Variants in DLG2 observed in about 807,000 individuals in gnomAD.
DLG2 encodes discs large MAGUK scaffold protein 2, also known as disks large homolog 2.
Under a neutral mutation model 132.5 loss-of-function variants are expected in DLG2, and 45 were observed. The ratio of observed to expected loss-of-function variants is 0.34; its 90% CI spans 0.27 to 0.44. DLG2 has a LOEUF of 0.44. Ranked by LOEUF, DLG2 falls within the 20% of genes least tolerant of loss-of-function variation. The pLI is 1.00. For missense variants in DLG2, 1,045 were observed against 1,196.9 expected, an observed-to-expected ratio of 0.87 and a Z score of 1.87; for synonymous variants, 424 against 419.6, an observed-to-expected ratio of 1.01 and a Z score of -0.13.
intron 3 of DLG2, among the ~76,000 whole-genome samples, chr11:85,473,493 A>G (rs562880057): frequency 6.6e-6 from 1 of 152,318 alleles, no homozygotes; most frequent in Non-Finnish European, 1.5e-5. Flanking sequence ...AAAAAATTTA[A>G]TGAAGAAAAA....
intron 18 of DLG2, among the ~76,000 whole-genome samples, chr11:83,682,908 G>C (rs1030886391): frequency 6.6e-6 from 1 of 152,130 alleles, no homozygotes; most frequent in Non-Finnish European, 1.5e-5. Flanking sequence ...GAAAGATAAA[G>C]TGACTTGCCC....
At chr11:85,207,905 C>T (rs1245375648) in intron 4 of DLG2, among the ~76,000 whole-genome samples, 1 of 151,708 alleles carries the variant, frequency 6.6e-6, no homozygotes, top group African/African-American at 2.4e-5. Context: ...ATCTGGTAAA[C>T]TGCTTTTTAT....
chr11:85,256,407 G>A (rs555223839), intron 4 of DLG2, among the ~76,000 whole-genome samples: 9 of 152,192 alleles, frequency 5.9e-5, no homozygotes, highest in Non-Finnish European at 7.4e-5. Context: ...TAAAACCTTC[G>A]CATTCATCCT....
At chr11:83,845,415 T>C (rs1166558790) in intron 16 of DLG2, among the ~76,000 whole-genome samples, 2 of 152,204 alleles carry the variant, frequency 1.3e-5, no homozygotes, top group Non-Finnish European at 2.9e-5. Context: ...CTCAGAAGGA[T>C]GCAGTATAAT....
At chr11:84,845,882 G>A (rs1033519737) in intron 6 of DLG2, among the ~76,000 whole-genome samples, 35 of 152,028 alleles carry the variant, frequency 2.3e-4, no homozygotes, top group Non-Finnish European at 5.2e-4. Flanking sequence ...GTTTCACCAC[G>A]TTGGCCAGGC....
chr11:85,236,214 T>C (rs1015720488), intron 4 of DLG2, among the ~76,000 whole-genome samples: 3 of 152,012 alleles, frequency 2.0e-5, no homozygotes, highest in Non-Finnish European at 4.4e-5. Flanking sequence ...TCCAACACTA[T>C]TTTTTAAAAA....
At chr11:83,942,075 T>C (rs183214010) in intron 14 of DLG2, among the ~76,000 whole-genome samples, 211 of 152,300 alleles carry the variant, frequency 1.4e-3, no homozygotes, top group Non-Finnish European at 1.4e-3. Flanking sequence ...GAATTGTCAT[T>C]GTCACAGCAT....
chr11:83,511,054 T>C (rs2094993196), intron 21 of DLG2, among the ~76,000 whole-genome samples: 1 of 133,526 alleles, frequency 7.5e-6, no homozygotes, highest in African/African-American at 2.7e-5. Context: ...ACCCTCTCTG[T>C]CTTCCTCTCA....
chr11:85,496,493 A>T (rs550189190), intron 3 of DLG2, among the ~76,000 whole-genome samples: 43 of 152,324 alleles, frequency 2.8e-4, no homozygotes, highest in African/African-American at 9.9e-4. Flanking sequence ...GGGACAGGGC[A>T]TATCTGAACA....
intron 18 of DLG2, among the ~76,000 whole-genome samples, chr11:83,779,689 T>C (rs2094727514): frequency 6.6e-6 from 1 of 152,306 alleles, no homozygotes; most frequent in South Asian, 2.1e-4. Context: ...GATGCTGAAC[T>C]TTAGTTCCTC....
intron 3 of DLG2, among the ~76,000 whole-genome samples, chr11:85,472,533 C>T (rs921099196): frequency 2.0e-5 from 3 of 152,124 alleles, no homozygotes; most frequent in East Asian, 1.9e-4. Flanking sequence ...CTCTTGACCT[C>T]GTGATCCACC....
chr11:85,521,759 G>T (rs1056419527), intron 3 of DLG2, among the ~76,000 whole-genome samples: 5 of 152,126 alleles, frequency 3.3e-5, no homozygotes, highest in African/African-American at 7.2e-5. Context: ...GAGAAAAGTT[G>T]ATTCTTGCTA....
At chr11:85,509,465 A>G (rs1247856666) in intron 3 of DLG2, among the ~76,000 whole-genome samples, 2 of 152,024 alleles carry the variant, frequency 1.3e-5, no homozygotes, top group Non-Finnish European at 2.9e-5. Context: ...TGCAGAGGAG[A>G]GCAAGCAACC....
intron 7 of DLG2, among the ~76,000 whole-genome samples, chr11:84,497,397 C>A (rs1032259325): frequency 1.3e-5 from 2 of 152,020 alleles, no homozygotes; most frequent in African/African-American, 4.8e-5. Flanking sequence ...CCCTATGGAC[C>A]CTATAGTCCC....
At chr11:85,177,292 C>T (rs199535140) in intron 4 of DLG2, among the ~76,000 whole-genome samples, 11,667 of 149,542 alleles carry the variant, frequency 0.078, 574 homozygotes, top group African/African-American at 0.13. Context: ...CATATACACA[C>T]ACACACACAC....
At chr11:83,842,523 CAAAAAAAAA>C (rs771360645) in intron 16 of DLG2, among the ~76,000 whole-genome samples, 2 of 70,290 alleles carry the variant, frequency 2.8e-5, no homozygotes, top group Admixed American at 1.8e-4. Context: ...GAACCTGTCT[CAAAAAAAAA>C]AAAAAAAAAA....
At chr11:85,309,905 T>A (rs1318824487) in intron 3 of DLG2, among the ~76,000 whole-genome samples, 1 of 152,160 alleles carries the variant, frequency 6.6e-6, no homozygotes, top group Non-Finnish European at 1.5e-5. Context: ...TAACTATGAG[T>A]TCCTTGAGGG....
chr11:85,390,245 G>GA (rs985449919), intron 3 of DLG2, among the ~76,000 whole-genome samples: 13 of 148,758 alleles, frequency 8.7e-5, no homozygotes, highest in Admixed American at 2.0e-4. Context: ...AACAGCAGTT[G>GA]AAAAAAAAAG....
chr11:85,588,417 A>G (rs1281205165), intron 3 of DLG2, among the ~76,000 whole-genome samples: 1 of 152,058 alleles, frequency 6.6e-6, no homozygotes, highest in Non-Finnish European at 1.5e-5. Flanking sequence ...TTACTTCGAA[A>G]GCCTTGTCTT....
Sources: gnomAD v4.1 joint callset for allele counts (sites outside exome capture counted in the v4.1 genomes callset) on GRCh38, gnomAD v4.1.1 for gene constraint, MANE v1.5 for transcripts, NCBI Gene and HGNC (gene_info 2026-07-23, HGNC 2026-07-21) for gene names.